The following UPF2 variants were observed in gnomAD, a reference collection of about 807,000 sequenced individuals.
The protein encoded by UPF2 is UPF2 regulator of nonsense mediated mRNA decay.
UPF2 carries 17 observed loss-of-function variants against 141.4 expected under a neutral mutation model. The observed-to-expected ratio is 0.12, with a 90% confidence interval of 0.08 to 0.18. UPF2 has a LOEUF of 0.18. Ranked by LOEUF, UPF2 falls within the 10% of genes least tolerant of loss-of-function variation. The pLI is 1.00. For synonymous variants in UPF2, 540 were observed against 498.0 expected (o/e 1.08, Z -1.12); for missense variants, 1,152 against 1,515.9 (o/e 0.76, Z 3.99).
At chr10:12,024,931 CAAAAAAAAAAAAAAA>C (rs61678431) in intron 3 of UPF2, among the ~76,000 whole-genome samples, 2 of 53,488 alleles carry the variant, frequency 3.7e-5, no homozygotes, top group Admixed American at 3.1e-4. Context: ...GACCCTGTTA[CAAAAAAAAAAAAAAA>C]AAAAAAAAAA....
intron 21 of UPF2, among the ~76,000 whole-genome samples, chr10:11,927,933 T>C (rs1301832284): frequency 2.0e-5 from 3 of 152,158 alleles, no homozygotes; most frequent in African/African-American, 7.2e-5. Flanking sequence ...GATCTAATTC[T>C]GCCAGCCCCA....
rs924813424 is a variant in UPF2, at chr10:11,953,248, G to C, written c.2851-999C>G. ...TTGTTCCAGGTCCTTGCTACTCCAA[G>C]TGTGGACCTCATCTGGGAGCTTCTT... On this transcript the variant is annotated intron_variant, in intron 14 of 21. Transcript: ENST00000357604. This position sits in a 1 kb window ranked among gnomAD's most constrained non-coding sequence, Gnocchi z 5.0. Among the ~76,000 whole-genome samples the C allele has an allele frequency of 6.6e-6, 1 of 152,168 alleles. No individual in the cohort carries two copies. The highest frequency in any genetic ancestry group is 2.4e-5 in the African/African-American group (1 of 41,432).
chr10:11,970,080 G>A (rs1441835263), intron 9 of UPF2, among the ~76,000 whole-genome samples: 1 of 152,148 alleles, frequency 6.6e-6, no homozygotes, highest in Non-Finnish European at 1.5e-5. Context: ...CTGTGCTCTT[G>A]AGATCACTTT....
At chr10:11,970,793 C>A (rs1833403678) in intron 9 of UPF2, among the ~76,000 whole-genome samples, 1 of 151,938 alleles carries the variant, frequency 6.6e-6, no homozygotes, top group Admixed American at 6.6e-5. Context: ...GCCCGGGCGA[C>A]AGAGTGAGAC....
intron 21 of UPF2, chr10:11,928,554 TA>T (rs1333807601): frequency 1.2e-5 from 2 of 164,004 alleles, no homozygotes; most frequent in Non-Finnish European, 2.6e-5. Flanking sequence ...CTAAAAATAC[TA>T]AAAATTAGCC....
At position 11,942,593 on chromosome 10, in the gene UPF2, C is replaced by A; in HGVS notation, c.3378+72G>T. On this transcript the variant is annotated intron_variant, in intron 18 of 21. Coordinates refer to ENST00000357604, the MANE Select transcript of UPF2 (RefSeq NM_015542.4). ...GACACTTAGATAGGAGAGGCCTTCA[C>A]ATGAACCAGAATGTAATGGGCTGCA... 6 of 1,434,114 alleles carry A rather than the reference C, an allele frequency of 4.2e-6. No homozygotes were observed. In the South Asian group the frequency reaches 7.1e-5, roughly 17 times the overall value. 88.8% of individuals were successfully genotyped at this position (1,434,114 alleles called of 1,614,324 possible).
intron 1 of UPF2, among the ~76,000 whole-genome samples, chr10:12,039,510 G>C (rs1042860690): frequency 6.6e-6 from 1 of 151,902 alleles, no homozygotes; most frequent in Admixed American, 6.6e-5. Context: ...AGTGAAAAAA[G>C]TTTATATAGA....
At position 11,973,835 on chromosome 10, in the gene UPF2, T is replaced by C. The variant is rs1833459799; in HGVS notation, c.1953+5222A>G. ...AGGTTGCATGATGCCTCTAACTTTG[T>C]TCTTTTTGCTTAGGATTGTCTTGGC... On this transcript the variant is annotated intron_variant, in intron 9 of 21. Transcript: ENST00000357604. Among the ~76,000 whole-genome samples, 3 of 152,240 alleles carry C rather than the reference T, an allele frequency of 2.0e-5. No individual in the cohort carries two copies. The South Asian group carries it at 6.2e-4, about 31-fold the overall frequency.
chr10:12,029,895 T>G (rs192606965), intron 2 of UPF2, among the ~76,000 whole-genome samples: 31 of 150,962 alleles, frequency 2.1e-4, no homozygotes, highest in African/African-American at 6.8e-4. Context: ...GAGGCAGAGG[T>G]TGCAATGAGC....
intron 9 of UPF2, among the ~76,000 whole-genome samples, chr10:11,977,119 G>A (rs1030017429): frequency 1.3e-5 from 2 of 152,142 alleles, no homozygotes; most frequent in Admixed American, 6.5e-5. Flanking sequence ...CTGCTATGAT[G>A]GTGAATCAAA....
intron 3 of UPF2, among the ~76,000 whole-genome samples, chr10:12,018,340 T>C (rs966660615): frequency 8.5e-5 from 13 of 152,060 alleles, no homozygotes; most frequent in Admixed American, 7.9e-4. Flanking sequence ...CCCAACACTT[T>C]GGGAGGCTGA....
intron 3 of UPF2, among the ~76,000 whole-genome samples, chr10:12,022,521 A>T (rs1290408633): frequency 1.3e-5 from 2 of 152,238 alleles, no homozygotes. Context: ...TAGCAAAGCA[A>T]AACTGTACCC....
chr10:12,014,070 CA>C lies in UPF2; in HGVS notation c.1259del (p.Leu420TrpfsTer55). The C allele has an allele frequency of 1.3e-6, 2 of 1,591,370 alleles. No individual in the cohort carries two copies. The highest frequency in any genetic ancestry group is 2.3e-5 in the South Asian group (2 of 87,302). On this transcript the variant is annotated frameshift_variant, in exon 4 of 22. Transcript: ENST00000357604. LOFTEE classifies it high-confidence loss of function. The surrounding 1 kb of genome is among the most constrained non-coding windows in gnomAD (Gnocchi z 5.0). The stretch of plus-strand genomic sequence containing the variant: ...GAGGAAGATCTGGCATATTTTCATC[CA>C]AAAGGTCTGCTAAGGATTGAGAATT... Reference protein sequence around the residue: ...LANSQSLADLLDENMPDLPQD... With the variant: ...LANSQSLADLXDENMPDLPQD...
chr10:12,026,518 G>A (rs937071794), intron 3 of UPF2: 3 of 380,864 alleles, frequency 7.9e-6, no homozygotes, highest in East Asian at 7.2e-5. Flanking sequence ...AATAAAAGTG[G>A]ACACATATGT....
chr10:11,986,619 C>A (rs1655236715), intron 8 of UPF2, among the ~76,000 whole-genome samples: 1 of 152,054 alleles, frequency 6.6e-6, no homozygotes, highest in Admixed American at 6.6e-5. Context: ...AACGCTGTTA[C>A]GGTGCAATTA....
intron 10 of UPF2, among the ~76,000 whole-genome samples, chr10:11,966,853 A>G (rs1564348005): frequency 6.6e-6 from 1 of 152,210 alleles, no homozygotes; most frequent in Admixed American, 6.5e-5. Flanking sequence ...AGGGATGGCA[A>G]CTCATATGTA....
chr10:11,987,409 A>C (rs891669514), intron 8 of UPF2, among the ~76,000 whole-genome samples: 10 of 152,184 alleles, frequency 6.6e-5, no homozygotes, highest in Admixed American at 4.6e-4. Context: ...ATTACCTATA[A>C]AATAAAATGC....
chr10:11,959,315 C>T lies in UPF2; in HGVS notation c.2226G>A (p.Ala742=), dbSNP rs777791965. ...CATTCTCTACCATTGTGACGTATCT[C>T]GCATCAAGATGCATTGCTTGCTTCT... ...MRKKQAMHLD[A]RYVTMVENAY... is the part of the protein sequence containing the mutation. The change falls in exon 12 of 22, where the codon GCG becomes GCA. Residue 742 remains alanine (A), a synonymous_variant. Coordinates refer to ENST00000357604, the MANE Select transcript of UPF2 (RefSeq NM_015542.4). This position sits in a 1 kb window ranked among gnomAD's most constrained non-coding sequence, Gnocchi z 5.9. 2.6e-5 allele frequency: 41 copies of T among 1,594,472 alleles called. No homozygotes were observed. The highest frequency in any genetic ancestry group is 1.3e-4 in the East Asian group (6 of 44,530).
At chr10:11,969,034 G>A (rs1010972234) in intron 9 of UPF2, among the ~76,000 whole-genome samples, 1 of 151,892 alleles carries the variant, frequency 6.6e-6, no homozygotes, top group Non-Finnish European at 1.5e-5. Flanking sequence ...CTAAATTTTT[G>A]TATTTTTAGT....
Sources: gnomAD v4.1 joint callset for allele counts (sites outside exome capture counted in the v4.1 genomes callset) on GRCh38, gnomAD v4.1.1 for gene constraint, Gnocchi (gnomAD v3.1) non-coding constraint, MANE v1.5 for transcripts, NCBI Gene and HGNC (gene_info 2026-07-23, HGNC 2026-07-21) for gene names.